The following SYT17 variants were observed in gnomAD, a reference collection of about 807,000 sequenced individuals.
The protein encoded by SYT17 is synaptotagmin-17.
In SYT17, 22 loss-of-function variants were observed where a neutral mutation model predicts 46.7. The observed-to-expected ratio is 0.47, with a 90% CI of 0.34 to 0.67. SYT17 has a LOEUF of 0.67. Ranked by LOEUF, SYT17 falls within the 30% of genes least tolerant of loss-of-function variation. The pLI is 0.01. For synonymous variants in SYT17, 251 were observed against 248.4 expected (o/e 1.01, Z -0.10); for missense variants, 519 against 612.8 (o/e 0.85, Z 1.62).
chr16:19,253,381 C>T (rs924015650), intron 7 of SYT17, among the ~76,000 whole-genome samples: 3 of 152,070 alleles, frequency 2.0e-5, no homozygotes, highest in African/African-American at 7.2e-5. Context: ...CAAAGTGAGA[C>T]CCTGAATATT....
chr16:19,267,342 C>T lies in SYT17; in HGVS notation c.*266C>T. ...TAGATCACAAGCTCAGTGGGCTCTGCCGTGGGACTTATTGGCAGTGCCTGC... is the reference window on the plus strand; with the variant it reads ...TAGATCACAAGCTCAGTGGGCTCTGTCGTGGGACTTATTGGCAGTGCCTGC... On this transcript the variant is annotated 3_prime_UTR_variant, in exon 8 of 8. Coordinates refer to ENST00000355377, the MANE Select transcript of SYT17 (RefSeq NM_016524.4). 2 of 346,130 alleles carry T rather than the reference C, an allele frequency of 5.8e-6. No homozygotes were observed. The highest frequency in any genetic ancestry group is 2.1e-5 in the African/African-American group (1 of 48,156). 21.4% of individuals were successfully genotyped at this position (346,130 alleles called of 1,614,324 possible). A position where few individuals can be genotyped will look rare whatever the true frequency, so the allele number is the denominator to read the frequency against.
intron 7 of SYT17, among the ~76,000 whole-genome samples, chr16:19,248,637 A>G (rs905216854): frequency 3.9e-5 from 6 of 152,098 alleles, no homozygotes; most frequent in African/African-American, 1.4e-4. Flanking sequence ...CCTGGCCAAC[A>G]TGGCGAAACC....
At chr16:19,262,331 T>G (rs1194531414) in intron 7 of SYT17, among the ~76,000 whole-genome samples, 1 of 152,184 alleles carries the variant, frequency 6.6e-6, no homozygotes, top group Non-Finnish European at 1.5e-5. Context: ...GCTGCTTCTA[T>G]TGCATGAGAA....
chr16:19,171,289 T>TATGATG (rs66740634), intron 1 of SYT17: 2,148 of 107,624 alleles, frequency 0.02, 36 homozygotes, highest in East Asian at 0.055. Flanking sequence ...CCACCTATAC[T>TATGATG]ATGATGATGA....
At chr16:19,217,230 C>T (rs1166209175) in intron 5 of SYT17, among the ~76,000 whole-genome samples, 1 of 152,064 alleles carries the variant, frequency 6.6e-6, no homozygotes, top group Non-Finnish European at 1.5e-5. Flanking sequence ...AATTCAGTGG[C>T]ATTTAGTAAA....
intron 2 of SYT17, 74 bp downstream of exon 2, chr16:19,172,851 G>T: frequency 2.0e-6 from 3 of 1,528,936 alleles, no homozygotes; most frequent in Non-Finnish European, 1.8e-6. Context: ...GGAGTCTTAT[G>T]TGGGGCTGTG....
At chr16:19,264,596 C>CTT (rs58368073) in intron 7 of SYT17, among the ~76,000 whole-genome samples, 5,703 of 145,360 alleles carry the variant, frequency 0.039, 342 homozygotes, top group African/African-American at 0.13. Flanking sequence ...TTTCCCCCAC[C>CTT]TTTTTTTTTT....
At chr16:19,226,282 A>C (rs8063628) in intron 7 of SYT17, among the ~76,000 whole-genome samples, 126,314 of 152,058 alleles carry the variant, frequency 0.83, 52,849 homozygotes, top group African/African-American at 0.93. Flanking sequence ...GTAGGGCTAG[A>C]ACTGGGGATC....
At chr16:19,218,917 C>T (rs959653985) in intron 5 of SYT17, among the ~76,000 whole-genome samples, 3 of 152,158 alleles carry the variant, frequency 2.0e-5, no homozygotes, top group African/African-American at 7.2e-5. Flanking sequence ...CCCTCTGCCC[C>T]ATGAGTCCCT....
chr16:19,236,113 C>T (rs1966844842), intron 7 of SYT17, among the ~76,000 whole-genome samples: 1 of 152,150 alleles, frequency 6.6e-6, no homozygotes, highest in Non-Finnish European at 1.5e-5. Context: ...CTTAACCAAA[C>T]CACTCTTGTT....
At chr16:19,169,595 C>T (rs1964004131) in intron 1 of SYT17, among the ~76,000 whole-genome samples, 1 of 152,240 alleles carries the variant, frequency 6.6e-6, no homozygotes, top group Admixed American at 6.5e-5. Context: ...CACATATCCC[C>T]TCATCGTGTC....
intron 5 of SYT17, among the ~76,000 whole-genome samples, chr16:19,206,084 C>T (rs1965661158): frequency 6.6e-6 from 1 of 152,088 alleles, no homozygotes; most frequent in Non-Finnish European, 1.5e-5. Context: ...GTTACATAGT[C>T]AGTGTGATAG....
chr16:19,266,001 G>A (rs530745880), intron 7 of SYT17, among the ~76,000 whole-genome samples: 13 of 152,352 alleles, frequency 8.5e-5, no homozygotes, highest in African/African-American at 3.1e-4. Flanking sequence ...CAAAATAGCA[G>A]TATAACATTT....
chr16:19,223,185 TTC>T lies in SYT17; in HGVS notation c.1072+25_1072+26del. 1 of 1,610,418 alleles carries T rather than the reference TTC, an allele frequency of 6.2e-7. No homozygotes were observed. Among genetic ancestry groups the T allele is most frequent in the Non-Finnish European group, 8.5e-7 (1 of 1,177,186 alleles). ...GTTCAGGTACCGTGTGATTCCCCTC[TTC>T]TCTCACTTTATTAATGGGGCATCTG... is the stretch of plus-strand genomic sequence containing the variant. On this transcript the variant is annotated intron_variant, in intron 6 of 7. Coordinates refer to ENST00000355377, the MANE Select transcript of SYT17 (RefSeq NM_016524.4).
intron 5 of SYT17, among the ~76,000 whole-genome samples, chr16:19,187,700 G>A (rs151133205): frequency 5.9e-4 from 90 of 152,184 alleles, no homozygotes; most frequent in East Asian, 2.5e-3. Context: ...TGGAAAAGCC[G>A]GTTGTCTTAC....
intron 7 of SYT17, among the ~76,000 whole-genome samples, chr16:19,229,763 G>A (rs917502135): frequency 2.0e-5 from 3 of 152,204 alleles, no homozygotes; most frequent in Non-Finnish European, 2.9e-5. Context: ...GTACACCTAC[G>A]TTCATAGCAG....
At chr16:19,180,672 C>CGA (rs1964515915) in intron 4 of SYT17, 133 bp downstream of exon 4, 2 of 1,038,272 alleles carry the variant, frequency 1.9e-6, no homozygotes, top group Admixed American at 4.3e-5. Context: ...GGAGACAGGG[C>CGA]GAGAGAGAGA....
intron 7 of SYT17, among the ~76,000 whole-genome samples, chr16:19,237,999 C>G (rs925928957): frequency 3.9e-5 from 6 of 152,146 alleles, no homozygotes; most frequent in Non-Finnish European, 8.8e-5. Flanking sequence ...AGGATGTTGA[C>G]CAGAGAAGTG....
rs550659716 is a variant in SYT17, at chr16:19,173,618, A to G, written c.182+40A>G. The G allele has an allele frequency of 1.5e-4, 246 of 1,603,216 alleles. 3 individuals carry two copies. The South Asian group carries it at 2.6e-3, about 17-fold the overall frequency. ...TCTGAACTTCTCTGAAATCAATTTC[A>G]AGACTTTTCCTTTTTAATGAGAAGG... On this transcript the variant is annotated intron_variant, in intron 3 of 7. Coordinates refer to ENST00000355377, the MANE Select transcript of SYT17 (RefSeq NM_016524.4).
Sources: allele counts gnomAD v4.1 joint callset (sites outside exome capture counted in the v4.1 genomes callset), GRCh38; gene constraint gnomAD v4.1.1; transcripts MANE v1.5; gene names NCBI Gene and HGNC (gene_info 2026-07-23, HGNC 2026-07-21).